The following ATOSB variants were observed in gnomAD, a reference collection of about 807,000 sequenced individuals.
ATOSB encodes atos homolog B.
At chr9:35,108,186 C>G in the ATOSB span, 115 of 1,596,700 alleles carry the variant, frequency 7.2e-5, no homozygotes, top group Middle Eastern at 9.9e-4. Flanking sequence ...GAGCAGGCCA[C>G]CCTGGAGGGC....
At chr9:35,105,619 A>C in the ATOSB span, 3 of 1,541,674 alleles carry the variant, frequency 1.9e-6, no homozygotes, top group Non-Finnish European at 2.7e-6. This position sits in a 1 kb window ranked among gnomAD's most constrained non-coding sequence, Gnocchi z 5.5. Context: ...CGAAGCAAGG[A>C]GAGATCCTCT....
chr9:35,108,192 A>G, the ATOSB span: 2 of 1,596,894 alleles, frequency 1.3e-6, no homozygotes, highest in South Asian at 2.2e-5. Context: ...GCCACCCTGG[A>G]GGGCCCCCTG....
At chr9:35,106,356 C>T in the ATOSB span, 1 of 1,614,062 alleles carries the variant, frequency 6.2e-7, no homozygotes, top group Admixed American at 1.7e-5. This position sits in a 1 kb window ranked among gnomAD's most constrained non-coding sequence, Gnocchi z 4.6. Context: ...CCAATTTCTG[C>T]TGTGAAGCCC....
the ATOSB span, chr9:35,116,211 C>T: frequency 2.6e-5 from 4 of 152,390 alleles, no homozygotes; most frequent in Admixed American, 2.0e-4. Flanking sequence ...CACGATCCCC[C>T]TCCCATCTCA....
At chr9:35,105,065 A>G in the ATOSB span, 4 of 786,842 alleles carry the variant, frequency 5.1e-6, no homozygotes, top group Non-Finnish European at 7.7e-6. The surrounding 1 kb of genome is among the most constrained non-coding windows in gnomAD (Gnocchi z 5.5). Context: ...AGTAAGAATC[A>G]GAAGCTTTAA....
chr9:35,105,886 G>C, the ATOSB span: 3 of 1,613,836 alleles, frequency 1.9e-6, no homozygotes, highest in Non-Finnish European at 2.5e-6. This position sits in a 1 kb window ranked among gnomAD's most constrained non-coding sequence, Gnocchi z 5.5. Context: ...AGGTTGGTAG[G>C]GCCTGAGGGC....
At chr9:35,113,564 T>C in the ATOSB span, among the ~76,000 whole-genome samples, 91,881 of 151,770 alleles carry the variant, frequency 0.61, 28,849 homozygotes, top group Admixed American at 0.66. Context: ...GCGGAGGTTG[T>C]AGTGAGCCAA....
chr9:35,106,507 C>T, the ATOSB span: 1 of 1,594,824 alleles, frequency 6.3e-7, no homozygotes, highest in South Asian at 1.1e-5. The surrounding 1 kb of genome is among the most constrained non-coding windows in gnomAD (Gnocchi z 4.6). Flanking sequence ...CTCCCAGGAC[C>T]CCGGCAATCA....
chr9:35,110,751 T>C, the ATOSB span: 1 of 152,308 alleles, frequency 6.6e-6, no homozygotes, highest in Non-Finnish European at 1.5e-5. Context: ...TAGACACTTT[T>C]GAGGCCTGGG....
chr9:35,110,541 T>G, the ATOSB span: 1 of 152,370 alleles, frequency 6.6e-6, no homozygotes, highest in Non-Finnish European at 1.5e-5. Flanking sequence ...AGACCATGGC[T>G]TCAAGCTGAC....
the ATOSB span, chr9:35,116,216 A>G: frequency 1.3e-5 from 2 of 150,126 alleles, no homozygotes; most frequent in African/African-American, 4.9e-5. Flanking sequence ...TCCCCCTCCC[A>G]TCTCAGAGCC....
chr9:35,107,388 G>A, the ATOSB span: 4 of 1,612,582 alleles, frequency 2.5e-6, no homozygotes, highest in East Asian at 4.5e-5. Flanking sequence ...TACCAAAACA[G>A]GCTCTTTGGG....
chr9:35,105,917 C>A, the ATOSB span: 1 of 1,614,044 alleles, frequency 6.2e-7, no homozygotes, highest in Non-Finnish European at 8.5e-7. The surrounding 1 kb of genome is among the most constrained non-coding windows in gnomAD (Gnocchi z 5.5). Context: ...TCTCCCCACT[C>A]CCACTCCCTC....
chr9:35,113,107 A>G, the ATOSB span, among the ~76,000 whole-genome samples: 31 of 152,342 alleles, frequency 2.0e-4, no homozygotes, highest in African/African-American at 5.8e-4. Context: ...CAGTGTATCA[A>G]TGTAAGAGCC....
chr9:35,108,373 G>T, the ATOSB span: 2 of 1,421,312 alleles, frequency 1.4e-6, no homozygotes, highest in East Asian at 5.4e-5. Flanking sequence ...GAGAAGAAAA[G>T]GTGGTCAGGG....
chr9:35,115,505 T>C, the ATOSB span, among the ~76,000 whole-genome samples: 1 of 151,504 alleles, frequency 6.6e-6, no homozygotes, highest in Non-Finnish European at 1.5e-5. Context: ...TCCTTCTCCA[T>C]TAAACAGCCC....
the ATOSB span, among the ~76,000 whole-genome samples, chr9:35,114,572 A>G: frequency 6.6e-6 from 1 of 152,208 alleles, no homozygotes; most frequent in Non-Finnish European, 1.5e-5. Context: ...GAAGCAGAGG[A>G]GCCCTCAAGA....
chr9:35,108,105 G>T, the ATOSB span: 5 of 1,555,566 alleles, frequency 3.2e-6, no homozygotes, highest in African/African-American at 2.7e-5. Flanking sequence ...AGAGGTACCA[G>T]CCGGAGGGGA....
At chr9:35,105,398 CG>C in the ATOSB span, 1 of 1,591,318 alleles carries the variant, frequency 6.3e-7, no homozygotes, top group Admixed American at 1.7e-5. The surrounding 1 kb of genome is among the most constrained non-coding windows in gnomAD (Gnocchi z 5.5). Flanking sequence ...ATGTGATCAA[CG>C]TAAGAATCCA....
Sources: gnomAD v4.1 joint callset for allele counts (sites outside exome capture counted in the v4.1 genomes callset) on GRCh38, gnomAD v4.1.1 for gene constraint, Gnocchi (gnomAD v3.1) non-coding constraint, MANE v1.5 for transcripts, NCBI Gene and HGNC (gene_info 2026-07-23, HGNC 2026-07-21) for gene names.